IL1RAPL1: variants seen among roughly 807,000 people sequenced by gnomAD.
IL1RAPL1 encodes the protein interleukin-1 receptor accessory protein-like 1.
A neutral mutation model predicts 48.4 loss-of-function variants in IL1RAPL1; 3 were observed. The observed-to-expected ratio is 0.06, with a 90% CI of 0.03 to 0.16. The LOEUF is 0.16. Among genes scored for constraint, IL1RAPL1 ranks in the 10% least tolerant of loss-of-function variants. The pLI, the probability that IL1RAPL1 is intolerant of heterozygous loss-of-function variation, is 1.00. For missense variants in IL1RAPL1, 349 were observed against 530.6 expected (o/e 0.66, Z 3.36); for synonymous variants, 185 against 187.7 (o/e 0.99, Z 0.12).
intron 2 of IL1RAPL1, among the ~76,000 whole-genome samples, chrX:28,979,851 A>G (rs1440680547): frequency 1.8e-5 from 2 of 112,034 alleles, no homozygotes; most frequent in African/African-American, 3.2e-5. Flanking sequence ...AAAAATTTCC[A>G]AAGATAAAAA....
chrX:29,361,944 G>A (rs1396799360), intron 3 of IL1RAPL1, among the ~76,000 whole-genome samples: 1 of 111,961 alleles, frequency 8.9e-6, no homozygotes, highest in Non-Finnish European at 1.9e-5. Flanking sequence ...AATTGCTTTG[G>A]ATTAAACATT....
At chrX:29,358,415 C>T (rs1271759799) in intron 3 of IL1RAPL1, among the ~76,000 whole-genome samples, 1 of 109,739 alleles carries the variant, frequency 9.1e-6, no homozygotes, top group Non-Finnish European at 1.9e-5. Context: ...CCACCCCCCG[C>T]CACACACACA....
rs747165650 is a variant in IL1RAPL1 at position 29,702,031 on chromosome X, G to C, written c.778+33527G>C. 6.3e-5 allele frequency among the ~76,000 whole-genome samples: 7 copies of C among 111,389 alleles called. No individual in the cohort carries two copies. In the South Asian group the frequency reaches 1.5e-3, roughly 24 times the overall value. ...GCACTTTGGGAGGCCGAGGTAGGCG[G>C]ATCACCTGTGGTCAGGAGTTCGAGA... On this transcript the variant is annotated intron_variant, in intron 6 of 10. Coordinates refer to ENST00000378993, the MANE Select transcript of IL1RAPL1 (RefSeq NM_014271.4).
chrX:28,804,510 C>G (rs1936707675), intron 2 of IL1RAPL1, among the ~76,000 whole-genome samples: 1 of 110,487 alleles, frequency 9.1e-6, no homozygotes, highest in Non-Finnish European at 1.9e-5. Context: ...AGGGAAGAAT[C>G]TGTTTTCTTG....
intron 6 of IL1RAPL1, among the ~76,000 whole-genome samples, chrX:29,844,735 G>T (rs771795108): frequency 1.8e-5 from 2 of 112,019 alleles, no homozygotes; most frequent in African/African-American, 6.5e-5. Context: ...TTATATCGGG[G>T]ACTTGAGCAT....
At chrX:29,422,058 A>G (rs1052162633) in intron 5 of IL1RAPL1, among the ~76,000 whole-genome samples, 1 of 111,767 alleles carries the variant, frequency 8.9e-6, no homozygotes, top group South Asian at 3.7e-4. Context: ...CTTATATGCC[A>G]TCCTGGTCAA....
At chrX:29,346,349 C>A (rs1933149843) in intron 3 of IL1RAPL1, among the ~76,000 whole-genome samples, 1 of 112,441 alleles carries the variant, frequency 8.9e-6, no homozygotes, top group Non-Finnish European at 1.9e-5. Flanking sequence ...AACCTCTGGT[C>A]CAACTCACTT....
intron 2 of IL1RAPL1, among the ~76,000 whole-genome samples, chrX:29,111,244 T>C (rs1200561953): frequency 8.0e-5 from 9 of 111,913 alleles, no homozygotes; most frequent in Admixed American, 5.7e-4. Flanking sequence ...AATTTTGTAT[T>C]TGTCATTCTC....
chrX:28,666,521 G>A (rs1934880776), intron 1 of IL1RAPL1, among the ~76,000 whole-genome samples: 1 of 111,726 alleles, frequency 9.0e-6, no homozygotes, highest in Admixed American at 9.5e-5. Flanking sequence ...TTACTAGGCG[G>A]TTTTTGAATA....
At chrX:29,273,095 A>G (rs1236211832) in intron 2 of IL1RAPL1, among the ~76,000 whole-genome samples, 2 of 111,347 alleles carry the variant, frequency 1.8e-5, no homozygotes, top group Non-Finnish European at 3.8e-5. Flanking sequence ...AATCTCCATA[A>G]TTTTCATTCC....
At chrX:29,565,686 A>G (rs766369318) in intron 5 of IL1RAPL1, among the ~76,000 whole-genome samples, 1 of 112,114 alleles carries the variant, frequency 8.9e-6, no homozygotes, top group South Asian at 3.6e-4. Context: ...GATTAAATCT[A>G]AAAACTAATC....
intron 3 of IL1RAPL1, among the ~76,000 whole-genome samples, chrX:29,333,699 G>A (rs746094077): frequency 9.1e-4 from 42 of 46,382 alleles, no homozygotes; most frequent in African/African-American, 1.3e-3. Flanking sequence ...GTGGCTGGCC[G>A]GGCGGGGGGC....
chrX:29,731,724 G>C lies in IL1RAPL1; in HGVS notation c.778+63220G>C, dbSNP rs145277824. 6.5e-3 allele frequency among the ~76,000 whole-genome samples: 736 copies of C among 112,385 alleles called. 7 individuals carry two copies. The highest frequency in any genetic ancestry group is 0.022 in the African/African-American group (675 of 30,924). On this transcript the variant is annotated intron_variant, in intron 6 of 10. Transcript: ENST00000378993. ...CTAGGATTTCAACCCCCAGCTGGGA[G>C]CTGGAGGGGAGTTCTGTCTTCCTCA...
intron 2 of IL1RAPL1, among the ~76,000 whole-genome samples, chrX:28,844,289 C>T (rs1031750859): frequency 6.6e-5 from 7 of 105,466 alleles, no homozygotes; most frequent in African/African-American, 1.4e-4. Context: ...TGGGGGTTTA[C>T]GTTCCCACCT....
intron 2 of IL1RAPL1, among the ~76,000 whole-genome samples, chrX:29,113,852 A>T (rs771475837): frequency 9.0e-6 from 1 of 111,454 alleles, no homozygotes; most frequent in African/African-American, 3.3e-5. Flanking sequence ...TTTCTCTTCT[A>T]ATTTTTATCT....
intron 6 of IL1RAPL1, among the ~76,000 whole-genome samples, chrX:29,718,942 A>G (rs1325812090): frequency 2.7e-5 from 3 of 112,268 alleles, no homozygotes; most frequent in Non-Finnish European, 5.6e-5. Flanking sequence ...CCTATCTACA[A>G]GAGTCTTTAA....
At chrX:29,516,949 T>G (rs188048807) in intron 5 of IL1RAPL1, among the ~76,000 whole-genome samples, 34 of 111,909 alleles carry the variant, frequency 3.0e-4, no homozygotes, top group Non-Finnish European at 4.7e-4. Flanking sequence ...TTGCTCACTT[T>G]TATATTATTG....
chrX:28,993,650 C>T lies in IL1RAPL1; in HGVS notation c.82+204225C>T, dbSNP rs113550302. Among the ~76,000 whole-genome samples, 992 of 111,887 alleles carry T rather than the reference C, an allele frequency of 8.9e-3. 11 individuals are homozygous for T. Among genetic ancestry groups the T allele is most frequent in the African/African-American group, 0.03 (938 of 30,776 alleles). On this transcript the variant is annotated intron_variant, in intron 2 of 10. Transcript: ENST00000378993. ...AATAATGGCACTTGATTAATTTTTA[C>T]AAGTAAATTATTAAAGGAAATCTAA... is the stretch of plus-strand genomic sequence containing the variant.
chrX:29,923,799 A>G (rs1313175788), intron 8 of IL1RAPL1, among the ~76,000 whole-genome samples: 3 of 111,329 alleles, frequency 2.7e-5, no homozygotes, highest in Non-Finnish European at 5.7e-5. Context: ...GACACAAACA[A>G]TAGTCCAGGT....
Sources: allele counts gnomAD v4.1 joint callset (sites outside exome capture counted in the v4.1 genomes callset), GRCh38; gene constraint gnomAD v4.1.1; transcripts MANE v1.5; gene names NCBI Gene and HGNC (gene_info 2026-07-23, HGNC 2026-07-21).